Variants in PI4KB observed in about 807,000 individuals in gnomAD.
PI4KB encodes phosphatidylinositol 4-kinase beta.
Under a neutral mutation model 81.4 loss-of-function variants are expected in PI4KB, and 23 were observed. That is an observed-to-expected ratio of 0.28 (90% confidence interval 0.20 to 0.40). PI4KB has a LOEUF of 0.40. Ranked by LOEUF, PI4KB falls within the 10% of genes least tolerant of loss-of-function variation. The pLI is 1.00. For missense variants in PI4KB, 651 were observed against 1,036.6 expected, an observed-to-expected ratio of 0.63 and a Z score of 5.11; for synonymous variants, 381 against 406.8, an observed-to-expected ratio of 0.94 and a Z score of 0.76.
intron 5 of PI4KB, among the ~76,000 whole-genome samples, chr1:151,304,929 GAAT>G (rs1695631342): frequency 6.6e-6 from 1 of 150,824 alleles, no homozygotes; most frequent in African/African-American, 2.4e-5. Context: ...TCCTGGGTTC[GAAT>G]AATTCTACTG....
chr1:151,303,990 C>A (rs1271343462), intron 5 of PI4KB, among the ~76,000 whole-genome samples: 2 of 152,186 alleles, frequency 1.3e-5, no homozygotes, highest in Admixed American at 6.5e-5. Flanking sequence ...ATTACAGGAG[C>A]TCAAAATTTC....
At chr1:151,314,805 T>C (rs1647663435) in intron 2 of PI4KB, among the ~76,000 whole-genome samples, 1 of 152,086 alleles carries the variant, frequency 6.6e-6, no homozygotes, top group Admixed American at 6.5e-5. Context: ...ATGAAGCCGA[T>C]GTTCTAACAT....
In PI4KB at chr1:151,292,602, C is replaced by T. The variant is rs1694385327; in HGVS notation, c.*250G>A. On this transcript the variant is annotated 3_prime_UTR_variant, in exon 12 of 12. Transcript: ENST00000368873. ...TCTGGAGGGCAGTGAGTCCTGGAGTCAGTCTGGTGGTAATACTGACACAGA... is the reference window on the plus strand; with the variant it reads ...TCTGGAGGGCAGTGAGTCCTGGAGTTAGTCTGGTGGTAATACTGACACAGA... 1 of 509,198 alleles carries T rather than the reference C, an allele frequency of 2.0e-6. No individual in the cohort carries two copies. Among genetic ancestry groups the T allele is most frequent in the Non-Finnish European group, 3.5e-6 (1 of 283,802 alleles). The allele number at this position is 509,198 out of a possible 1,614,324, so 31.5% of individuals were successfully genotyped here.
intron 1 of PI4KB, chr1:151,326,022 G>T: frequency 1.3e-6 from 1 of 770,308 alleles, no homozygotes; most frequent in Non-Finnish European, 2.2e-6. Flanking sequence ...CTCCAGGCCT[G>T]AATTCTTATG....
chr1:151,321,118 ATT>A (rs1216139364), intron 1 of PI4KB, among the ~76,000 whole-genome samples: 1 of 152,164 alleles, frequency 6.6e-6, no homozygotes, highest in Non-Finnish European at 1.5e-5. Flanking sequence ...TATTCAGAGG[ATT>A]TTGCTACTGA....
chr1:151,326,468 C>T (rs1171626534), intron 1 of PI4KB: 1 of 398,690 alleles, frequency 2.5e-6, no homozygotes, highest in African/African-American at 2.1e-5. Context: ...TCAGAGAAAT[C>T]CCTGAAACTC....
chr1:151,310,216 T>C lies in PI4KB; in HGVS notation c.949A>G (p.Ser317Gly). ...CCCAGCCTGGCCCCACTTACGGAAC[T>C]GAATGAATTATCAATACTCTCGGTG... ...SSTESIDNSFSSPVRLAPERE... is the reference protein window; with the variant it reads ...SSTESIDNSFGSPVRLAPERE... The change falls in exon 3 of 12, where the codon AGT becomes GGT. Residue 317 changes from serine (S) to glycine (G), a missense_variant. Ser to Gly is a moderately conservative substitution (Grantham distance 56). Around this residue, in one of 5 missense-constraint regions of PI4KB, gnomAD observed 314 missense variants for 397.8 expected, o/e 0.79. Coordinates refer to ENST00000368873, the MANE Select transcript of PI4KB (RefSeq NM_001369623.2). 1 of 1,607,060 alleles carries C rather than the reference T, an allele frequency of 6.2e-7. No individual in the cohort carries two copies. Among genetic ancestry groups the C allele is most frequent in the Non-Finnish European group, 8.5e-7 (1 of 1,177,738 alleles).
At chr1:151,320,341 C>T (rs1237673216) in intron 1 of PI4KB, among the ~76,000 whole-genome samples, 1 of 152,160 alleles carries the variant, frequency 6.6e-6, no homozygotes, top group East Asian at 1.9e-4. Flanking sequence ...CCCCAGGTTA[C>T]TTTTAACTGC....
intron 1 of PI4KB, among the ~76,000 whole-genome samples, chr1:151,325,900 A>AATG (rs1649539228): frequency 2.6e-5 from 4 of 152,100 alleles, no homozygotes; most frequent in Non-Finnish European, 5.9e-5. Context: ...CAAAAGGATC[A>AATG]CTCTAGAGGT....
chr1:151,293,725 AGG>A, intron 11 of PI4KB: 6 of 372,942 alleles, frequency 1.6e-5, no homozygotes, highest in South Asian at 1.4e-4. Context: ...AGAGCTGGAC[AGG>A]GGTGGGGAGG....
chr1:151,307,607 G>A lies in PI4KB; in HGVS notation c.1149C>T (p.His383=). Reference sequence around the variant, plus strand: ...TGGAGTTGAGGACAACAGCCTGTGTGTGGGGTACACGGACCACGTGGTGGT... The same window carrying A: ...TGGAGTTGAGGACAACAGCCTGTGTATGGGGTACACGGACCACGTGGTGGT... The part of the protein sequence containing the change: ...GFDHHVVRVP[H]TQAVVLNSKD... The change falls in exon 4 of 12, where the codon CAC becomes CAT. Residue 383 remains histidine, a synonymous_variant. Transcript: ENST00000368873. The A allele has an allele frequency of 6.2e-7, 1 of 1,614,084 alleles. No individual in the cohort carries two copies. Among genetic ancestry groups the A allele is most frequent in the Non-Finnish European group, 8.5e-7 (1 of 1,179,924 alleles).
At position 151,303,655 on chromosome 1, in the gene PI4KB, A is replaced by T. The variant is rs1557794399; in HGVS notation, c.1411-5T>A. On this transcript the variant is annotated splice_polypyrimidine_tract_variant and splice_region_variant and intron_variant, in intron 5 of 11. Transcript: ENST00000368873. ...GTTGGTATGCACTTCGGGGAGCTGG[A>T]GAAAGGGGAGTGCTGGTCAGAAGTG... 6.3e-7 allele frequency: 1 copy of T among 1,595,334 alleles called. No individual in the cohort carries two copies. Among genetic ancestry groups the T allele is most frequent in the South Asian group, 1.1e-5 (1 of 90,702 alleles).
intron 2 of PI4KB, 26 bp downstream of exon 2, chr1:151,315,547 G>T: frequency 1.3e-6 from 2 of 1,552,006 alleles, no homozygotes; most frequent in Non-Finnish European, 1.8e-6. Flanking sequence ...ACCACCTTTT[G>T]TCTCTGGCCC....
intron 11 of PI4KB, 30 bp from the exon 12 acceptor site, chr1:151,293,063 T>G: frequency 6.2e-7 from 1 of 1,609,450 alleles, no homozygotes; most frequent in South Asian, 1.1e-5. Flanking sequence ...TTCAGGGTCA[T>G]GGATGGACGG....
chr1:151,323,417 C>A (rs1416176116), intron 1 of PI4KB, among the ~76,000 whole-genome samples: 3 of 130,870 alleles, frequency 2.3e-5, no homozygotes, highest in African/African-American at 8.8e-5. Flanking sequence ...TGAGGCAGAA[C>A]AATCGCTTAA....
intron 5 of PI4KB, 128 bp from the exon 6 acceptor site, chr1:151,303,778 G>A: frequency 1.5e-6 from 1 of 688,726 alleles, no homozygotes; most frequent in South Asian, 1.6e-5. Context: ...CACCATGTTG[G>A]TTACTGGGAC....
rs775953584 is a variant in PI4KB at position 151,293,466 on chromosome 1, T to TG, written c.2270-434dup. Reference sequence around the variant, plus strand: ...GATCCTGAGCAACGGCGACAACCTGTGGGGTAGGGGCAGGAATGGGGAGGA... The same window carrying TG: ...GATCCTGAGCAACGGCGACAACCTGTGGGGGTAGGGGCAGGAATGGGGAGGA... On this transcript the variant is annotated intron_variant, in intron 11 of 11. Coordinates refer to ENST00000368873, the MANE Select transcript of PI4KB (RefSeq NM_001369623.2). 2.3e-5 allele frequency: 26 copies of TG among 1,143,536 alleles called. No individual in the cohort carries two copies. In the East Asian group the frequency reaches 2.0e-3, roughly 86 times the overall value. 70.8% of individuals were successfully genotyped at this position (1,143,536 alleles called of 1,614,324 possible).
At position 151,292,604 on chromosome 1, in the gene PI4KB, G is replaced by T; in HGVS notation, c.*248C>A. ...TGGAGGGCAGTGAGTCCTGGAGTCA[G>T]TCTGGTGGTAATACTGACACAGACC... On this transcript the variant is annotated 3_prime_UTR_variant, in exon 12 of 12. Transcript: ENST00000368873. 1.9e-6 allele frequency: 1 copy of T among 522,982 alleles called. No individual in the cohort carries two copies. Among genetic ancestry groups the T allele is most frequent in the South Asian group, 2.3e-5 (1 of 43,188 alleles). 32.4% of individuals were successfully genotyped at this position (522,982 alleles called of 1,614,324 possible).
At chr1:151,322,826 G>A (rs1387371505) in intron 1 of PI4KB, among the ~76,000 whole-genome samples, 1 of 152,030 alleles carries the variant, frequency 6.6e-6, no homozygotes, top group African/African-American at 2.4e-5. Flanking sequence ...ACGATTTCTG[G>A]TTGGGGATGC....
Sources: gnomAD v4.1 joint callset for allele counts (sites outside exome capture counted in the v4.1 genomes callset) on GRCh38, gnomAD v4.1.1 for gene constraint, gnomAD v4.1.1 regional missense constraint, MANE v1.5 for transcripts, NCBI Gene and HGNC (gene_info 2026-07-23, HGNC 2026-07-21) for gene names.